Variants in MMAB observed in about 807,000 individuals in gnomAD.
MMAB encodes the protein corrinoid adenosyltransferase MMAB.
Under a neutral mutation model 30.6 loss-of-function variants are expected in MMAB, and 17 were observed. The observed-to-expected ratio is 0.56, with a 90% CI of 0.38 to 0.83. The LOEUF (loss-of-function observed/expected upper bound fraction) is 0.83. Ranked by LOEUF, MMAB falls within the 40% of genes least tolerant of loss-of-function variation. MMAB has a pLI of 0.00. For synonymous variants in MMAB, 134 were observed against 138.6 expected (o/e 0.97, Z 0.23); for missense variants, 311 against 331.6 (o/e 0.94, Z 0.48).
In MMAB at chr12:109,571,812, A is replaced by G; in HGVS notation, c.135-102T>C. The G allele has an allele frequency of 3.3e-6, 3 of 909,502 alleles. No homozygotes were observed. The East Asian group carries it at 7.3e-5, about 22-fold the overall frequency. 56.3% of individuals were successfully genotyped at this position (909,502 alleles called of 1,614,324 possible). A position where few individuals can be genotyped will look rare whatever the true frequency, so the allele number is the denominator to read the frequency against. ...GCTTGCTGCTTGTAACCTCAGAGGC[A>G]GCACTTACCCCTTACTGCTTAGATG... is the stretch of plus-strand genomic sequence containing the variant. On this transcript the variant is annotated intron_variant, in intron 1 of 8. Transcript: ENST00000545712.
Position 109,558,346 on chromosome 12 carries a change from A to G in MMAB, c.644+750T>C, listed in dbSNP as rs78600258. On this transcript the variant is annotated intron_variant, in intron 8 of 8. Coordinates refer to ENST00000545712, the MANE Select transcript of MMAB (RefSeq NM_052845.4). The surrounding 1 kb of genome is among the most constrained non-coding windows in gnomAD (Gnocchi z 4.3). ...CGGCGAAACCCCCCTCCCAGAAGGAAAGGAGCTGCTCAGGACCCGTCAAAG... is the reference window on the plus strand; with the variant it reads ...CGGCGAAACCCCCCTCCCAGAAGGAGAGGAGCTGCTCAGGACCCGTCAAAG... 1.3e-5 allele frequency among the ~76,000 whole-genome samples: 2 copies of G among 152,186 alleles called. No homozygotes were observed. Among genetic ancestry groups the G allele is most frequent in the East Asian group, 3.9e-4 (2 of 5,162 alleles).
At chr12:109,571,807 G>A in intron 1 of MMAB, 97 bp from the exon 2 acceptor site, 1 of 972,860 alleles carries the variant, frequency 1.0e-6, no homozygotes. Flanking sequence ...TGTAACCTCA[G>A]AGGCAGCACT....
rs67024670 is a variant in MMAB at position 109,556,648 on chromosome 12, T to TCACACACACACA, written c.*368_*379dup. The stretch of plus-strand genomic sequence containing the variant: ...GAGCTGGCAGTGGGAGGGCTCTCTC[T>TCACACACACACA]CACACACACACACACACACACACAC... On this transcript the variant is annotated 3_prime_UTR_variant, in exon 9 of 9. Coordinates refer to ENST00000545712, the MANE Select transcript of MMAB (RefSeq NM_052845.4). 1.5e-4 allele frequency: 50 copies of TCACACACACACA among 328,304 alleles called. No homozygotes were observed. Among genetic ancestry groups the TCACACACACACA allele is most frequent in the East Asian group, 6.6e-4 (8 of 12,174 alleles). The allele number at this position is 328,304 out of a possible 1,614,324, so 20.3% of individuals were successfully genotyped here.
intron 2 of MMAB, among the ~76,000 whole-genome samples, chr12:109,570,605 G>C (rs1490695226): frequency 6.6e-6 from 1 of 152,126 alleles, no homozygotes. Context: ...GGTAGCTCAT[G>C]CCTCCTGTAA....
chr12:109,556,052 G>C lies in MMAB; in HGVS notation c.*976C>G. 1 of 454,058 alleles carries C rather than the reference G, an allele frequency of 2.2e-6. No homozygotes were observed. Among genetic ancestry groups the C allele is most frequent in the Non-Finnish European group, 4.4e-6 (1 of 226,784 alleles). 28.1% of individuals were successfully genotyped at this position (454,058 alleles called of 1,614,324 possible). Reference sequence around the variant, plus strand: ...AGCCTGCAGTCTTTAGGTTCTTGGGGCTGCCTCTTCTGCCCTTCATAAATA... The same window carrying C: ...AGCCTGCAGTCTTTAGGTTCTTGGGCCTGCCTCTTCTGCCCTTCATAAATA... On this transcript the variant is annotated 3_prime_UTR_variant, in exon 9 of 9. Transcript: ENST00000545712.
At position 109,555,317 on chromosome 12, in the gene MMAB, C is replaced by T. The variant is rs1274888200; in HGVS notation, c.*1711G>A. 1 of 400,878 alleles carries T rather than the reference C, an allele frequency of 2.5e-6. No homozygotes were observed. The highest frequency in any genetic ancestry group is 3.0e-5 in the Admixed American group (1 of 32,924). 24.8% of individuals were successfully genotyped at this position (400,878 alleles called of 1,614,324 possible). A position where few individuals can be genotyped will look rare whatever the true frequency, so the allele number is the denominator to read the frequency against. On this transcript the variant is annotated 3_prime_UTR_variant, in exon 9 of 9. Transcript: ENST00000545712. ...TTTTTTTTTGTGACGGAGTCTCACT[C>T]TATCAGCCAGGCTGGAGTGTCGTGT... is the stretch of plus-strand genomic sequence containing the variant.
chr12:109,562,435 C>T (rs1217572834), intron 4 of MMAB, among the ~76,000 whole-genome samples: 13 of 152,184 alleles, frequency 8.5e-5, no homozygotes, highest in Admixed American at 7.2e-4. Context: ...ACAACATCTT[C>T]GTTGGACACC....
At chr12:109,565,255 A>G in intron 3 of MMAB, 79 bp from the exon 4 acceptor site, 1 of 1,085,238 alleles carries the variant, frequency 9.2e-7, no homozygotes, top group East Asian at 2.3e-5. Context: ...ATAGATTCTC[A>G]GGTGGCAGGC....
In MMAB at chr12:109,559,153, A is replaced by G; in HGVS notation, c.587T>C (p.Val196Ala). 2 of 1,613,368 alleles carry G rather than the reference A, an allele frequency of 1.2e-6. No individual in the cohort carries two copies. Among genetic ancestry groups the G allele is most frequent in the Admixed American group, 1.7e-5 (1 of 60,028 alleles). ...CTCTCCCATCTGGACAAGAGGCACC[A>G]CACTAGAAAGGGAGGAGACACTGAG... ...RAVCRRAERRVVPLVQMGETD... is the reference protein window; with the variant it reads ...RAVCRRAERRAVPLVQMGETD... Residue 196 changes from valine to alanine, a missense_variant and splice_region_variant, in exon 8 of 9, where the codon GTG (valine) becomes GCG (alanine). Physicochemically the swap from Val to Ala is moderately conservative, Grantham distance 64. Transcript: ENST00000545712.
chr12:109,558,986 G>C lies in MMAB; in HGVS notation c.644+110C>G, dbSNP rs1410026569. The C allele has an allele frequency of 1.3e-6, 1 of 788,462 alleles. No homozygotes were observed. The highest frequency in any genetic ancestry group is 1.4e-5 in the South Asian group (1 of 70,078). 48.8% of individuals were successfully genotyped at this position (788,462 alleles called of 1,614,324 possible). ...CATAAACACTAAGGGAATGAAGGAGGGGGTGCGGGAATGCTGCCCCACACT... is the reference window on the plus strand; with the variant it reads ...CATAAACACTAAGGGAATGAAGGAGCGGGTGCGGGAATGCTGCCCCACACT... On this transcript the variant is annotated intron_variant, in intron 8 of 8. Transcript: ENST00000545712. This position sits in a 1 kb window ranked among gnomAD's most constrained non-coding sequence, Gnocchi z 4.3.
rs138495045 is a variant in MMAB, at chr12:109,557,528, C to T, written c.645-392G>A. 1.4e-4 allele frequency among the ~76,000 whole-genome samples: 22 copies of T among 152,300 alleles called. No individual in the cohort carries two copies. The South Asian group carries it at 1.9e-3, about 13-fold the overall frequency. On this transcript the variant is annotated intron_variant, in intron 8 of 8. Coordinates refer to ENST00000545712, the MANE Select transcript of MMAB (RefSeq NM_052845.4). ...CACAGGCATCACCAGGGGATCTCAG[C>T]GACGTGCAGATTCTGACTCAGGAGG...
At chr12:109,567,233 T>G in intron 3 of MMAB, 1 of 360,340 alleles carries the variant, frequency 2.8e-6, no homozygotes, top group Non-Finnish European at 5.5e-6. Flanking sequence ...CTAGGCACTG[T>G]CCTCAGGGTG....
chr12:109,561,662 G>A lies in MMAB; in HGVS notation c.421+118C>T, dbSNP rs1884210797. 10 of 1,220,446 alleles carry A rather than the reference G, an allele frequency of 8.2e-6. No homozygotes were observed. Among genetic ancestry groups the A allele is most frequent in the South Asian group, 3.9e-5 (3 of 76,954 alleles). The allele number at this position is 1,220,446 out of a possible 1,614,324, so 75.6% of individuals were successfully genotyped here. A position where few individuals can be genotyped will look rare whatever the true frequency, so the allele number is the denominator to read the frequency against. On this transcript the variant is annotated intron_variant, in intron 5 of 8. Transcript: ENST00000545712. The surrounding 1 kb of genome is among the most constrained non-coding windows in gnomAD (Gnocchi z 5.3). Reference sequence around the variant, plus strand: ...AGGTACCTTCCCTCCCAGGAGCTACGAGCAAGGCTAACTGACCCACCCGTG... The same window carrying A: ...AGGTACCTTCCCTCCCAGGAGCTACAAGCAAGGCTAACTGACCCACCCGTG...
chr12:109,565,222 T>TA (rs1884377325), intron 3 of MMAB, 46 bp from the exon 4 acceptor site: 1 of 1,440,896 alleles, frequency 6.9e-7, no homozygotes, highest in South Asian at 1.1e-5. Flanking sequence ...GTAATGTCCC[T>TA]AGGCCCTGTC....
intron 3 of MMAB, among the ~76,000 whole-genome samples, chr12:109,566,287 A>T (rs528959933): frequency 6.6e-5 from 10 of 152,372 alleles, no homozygotes; most frequent in Admixed American, 4.6e-4. Flanking sequence ...ACCAGGTGAT[A>T]AGGTCAGCCT....
intron 3 of MMAB, chr12:109,567,170 C>CA: frequency 6.0e-6 from 2 of 332,800 alleles, no homozygotes; most frequent in African/African-American, 2.3e-5. Flanking sequence ...AACTCCGTCT[C>CA]GGAAAAAAAA....
rs1299724755 is a variant in MMAB at position 109,555,361 on chromosome 12, C to A, written c.*1667G>T. 2.3e-6 allele frequency: 1 copy of A among 426,186 alleles called. No individual in the cohort carries two copies. The highest frequency in any genetic ancestry group is 7.2e-5 in the East Asian group (1 of 13,970). 26.4% of individuals were successfully genotyped at this position (426,186 alleles called of 1,614,324 possible). ...GTCGTGTCACGATCTTGGCTCACTG[C>A]AGCCTCTGCCTCGTAGGTTCAAGTG... On this transcript the variant is annotated 3_prime_UTR_variant, in exon 9 of 9. Coordinates refer to ENST00000545712, the MANE Select transcript of MMAB (RefSeq NM_052845.4).
chr12:109,569,663 C>T lies in MMAB; in HGVS notation c.197-800G>A, dbSNP rs547312613. 2.2e-4 allele frequency among the ~76,000 whole-genome samples: 33 copies of T among 152,338 alleles called. No individual in the cohort carries two copies. The highest frequency in any genetic ancestry group is 2.9e-4 in the Non-Finnish European group (20 of 68,034). ...CCCCTGACAGTTTGGAGCTGGCTTTCGCTATCGGGCAGGCTTTGGGGTTGC... is the reference window on the plus strand; with the variant it reads ...CCCCTGACAGTTTGGAGCTGGCTTTTGCTATCGGGCAGGCTTTGGGGTTGC... On this transcript the variant is annotated intron_variant, in intron 2 of 8. Transcript: ENST00000545712. This position sits in a 1 kb window ranked among gnomAD's most constrained non-coding sequence, Gnocchi z 4.1.
chr12:109,571,431 T>C (rs999813833), intron 2 of MMAB, among the ~76,000 whole-genome samples: 2 of 152,232 alleles, frequency 1.3e-5, no homozygotes, highest in African/African-American at 4.8e-5. Context: ...TTTGTATTTT[T>C]AGTAGAGATG....
Sources: allele counts gnomAD v4.1 joint callset (sites outside exome capture counted in the v4.1 genomes callset), GRCh38; gene constraint gnomAD v4.1.1; non-coding constraint Gnocchi (gnomAD v3.1); transcripts MANE v1.5; gene names NCBI Gene and HGNC (gene_info 2026-07-23, HGNC 2026-07-21).